Variants in RMND5B observed in about 807,000 individuals in gnomAD.
RMND5B encodes the protein E3 ubiquitin-protein transferase RMND5B.
A neutral mutation model predicts 50.4 loss-of-function variants in RMND5B; 42 were observed. The observed-to-expected ratio is 0.83, with a 90% CI of 0.65 to 1.08. The LOEUF is 1.08. RMND5B is among the 50% of genes least tolerant of loss of function. The probability of loss-of-function intolerance (pLI) is 0.00; values close to 1 mark genes in which losing one functional copy is unlikely to be tolerated. For synonymous variants in RMND5B, 220 were observed against 210.0 expected (o/e 1.05, Z -0.41); for missense variants, 463 against 508.5 (o/e 0.91, Z 0.86).
chr5:178,150,411 C>T lies in RMND5B; in HGVS notation c.*2379C>T. On this transcript the variant is annotated 3_prime_UTR_variant, in exon 11 of 11. Coordinates refer to ENST00000313386, the MANE Select transcript of RMND5B (RefSeq NM_022762.5). Reference sequence around the variant, plus strand: ...TTTTTTTTTTTGAGACAGGGCCTCACTCTGTCATGCAGTCTGGAGTGTGGT... The same window carrying T: ...TTTTTTTTTTTGAGACAGGGCCTCATTCTGTCATGCAGTCTGGAGTGTGGT... 3.7e-6 allele frequency: 1 copy of T among 272,730 alleles called. No homozygotes were observed. The highest frequency in any genetic ancestry group is 7.3e-6 in the Non-Finnish European group (1 of 137,624). The allele number at this position is 272,730 out of a possible 1,614,324, so 16.9% of individuals were successfully genotyped here.
rs1225401436 is a variant in RMND5B, at chr5:178,145,969, C to T, written c.695-145C>T. 9 of 749,558 alleles carry T rather than the reference C, an allele frequency of 1.2e-5. No individual in the cohort carries two copies. In the East Asian group the frequency reaches 2.5e-4, roughly 20 times the overall value. The allele number at this position is 749,558 out of a possible 1,614,324, so 46.4% of individuals were successfully genotyped here. A position where few individuals can be genotyped will look rare whatever the true frequency, so the allele number is the denominator to read the frequency against. ...TTTTACAGTCAAATTTGCCTGAGGG[C>T]ATTTTCATCCCTGCTCAGTCTCCTC... On this transcript the variant is annotated intron_variant, in intron 7 of 10. Transcript: ENST00000313386.
chr5:178,145,832 C>T (rs1194876755), intron 7 of RMND5B: 3 of 365,730 alleles, frequency 8.2e-6, no homozygotes, highest in South Asian at 5.6e-5. Flanking sequence ...ATCCTTGATG[C>T]AGTGGGGGAG....
In RMND5B at chr5:178,146,296, T is replaced by C; in HGVS notation, c.860+17T>C. The C allele has an allele frequency of 6.2e-7, 1 of 1,611,692 alleles. No homozygotes were observed. Among genetic ancestry groups the C allele is most frequent in the Non-Finnish European group, 8.5e-7 (1 of 1,178,336 alleles). On this transcript the variant is annotated intron_variant, in intron 8 of 10. Coordinates refer to ENST00000313386, the MANE Select transcript of RMND5B (RefSeq NM_022762.5). ...TAGCGTCAGGTACAACCCAGCCCTG[T>C]GAGGGCAGCACAGGTGGGAGGGTAG...
rs1012691887 is a variant in RMND5B, at chr5:178,137,310, A to G, written c.-12-798A>G. Among the ~76,000 whole-genome samples the G allele has an allele frequency of 1.4e-4, 21 of 152,206 alleles. No individual in the cohort carries two copies. Among genetic ancestry groups the G allele is most frequent in the Non-Finnish European group, 2.8e-4 (19 of 68,038 alleles). On this transcript the variant is annotated intron_variant, in intron 2 of 10. Coordinates refer to ENST00000313386, the MANE Select transcript of RMND5B (RefSeq NM_022762.5). This position sits in a 1 kb window ranked among gnomAD's most constrained non-coding sequence, Gnocchi z 4.4. ...CTGTGTTTCCAAATATCAGCCACTC[A>G]AGGACGGCCTTTATGGTTTATGTTA...
Position 178,138,519 on chromosome 5 carries a change from TTGTGTGTG to T in RMND5B, c.139+283_139+290del, listed in dbSNP as rs10657977. The T allele has an allele frequency of 1.9e-4, 57 of 301,474 alleles. No homozygotes were observed. Among genetic ancestry groups the T allele is most frequent in the African/African-American group, 3.3e-4 (14 of 43,030 alleles). The allele number at this position is 301,474 out of a possible 1,614,324, so 18.7% of individuals were successfully genotyped here. On this transcript the variant is annotated intron_variant, in intron 3 of 10. Coordinates refer to ENST00000313386, the MANE Select transcript of RMND5B (RefSeq NM_022762.5). The surrounding 1 kb of genome is among the most constrained non-coding windows in gnomAD (Gnocchi z 5.1). ...TTTTTAACTTTTTTTCATTTTATAA[TTGTGTGTG>T]TGTGTGTGTGTGTGTGTGTGTAGAA...
chr5:178,145,999 G>A (rs571432112), intron 7 of RMND5B, 115 bp from the exon 8 acceptor site: 1,783 of 1,087,894 alleles, frequency 1.6e-3, no homozygotes, highest in Non-Finnish European at 2.0e-3. Flanking sequence ...CTCCTCAGGG[G>A]CTTGGGAGCC....
intron 7 of RMND5B, among the ~76,000 whole-genome samples, chr5:178,144,822 C>G (rs982050097): frequency 2.0e-5 from 3 of 152,036 alleles, no homozygotes. Flanking sequence ...TGGAGACCAG[C>G]CTTGGCAACA....
Position 178,143,540 on chromosome 5 carries a change from G to C in RMND5B, c.427-87G>C, listed in dbSNP as rs574823455. The C allele has an allele frequency of 4.8e-6, 5 of 1,049,244 alleles. No individual in the cohort carries two copies. In the African/African-American group the frequency reaches 6.2e-5, roughly 13 times the overall value. The allele number at this position is 1,049,244 out of a possible 1,614,324, so 65.0% of individuals were successfully genotyped here. A position where few individuals can be genotyped will look rare whatever the true frequency, so the allele number is the denominator to read the frequency against. ...AAGCCCAGCTCTCTGGCCTGTCTTT[G>C]GCGGGTGAGCTTTTATTATGTGCAT... On this transcript the variant is annotated intron_variant, in intron 5 of 10. Coordinates refer to ENST00000313386, the MANE Select transcript of RMND5B (RefSeq NM_022762.5).
chr5:178,147,365 G>A (rs1756067966), intron 8 of RMND5B, 168 bp from the exon 9 acceptor site: 2 of 614,040 alleles, frequency 3.3e-6, no homozygotes, highest in African/African-American at 1.8e-5. Context: ...ACATACATAA[G>A]TACATATGTG....
Position 178,142,863 on chromosome 5 carries a change from T to A in RMND5B, c.297T>A (p.Ser99=), listed in dbSNP as rs778065283. Residue 99 remains serine (S), a synonymous_variant, in exon 5 of 11, where the codon TCT becomes TCA. Coordinates refer to ENST00000313386, the MANE Select transcript of RMND5B (RefSeq NM_022762.5). ...TCCTCCTTCGTCAGAACTTCGACTC[T>A]GAGATCTGTGGTGTTGTGTCAGATG... The part of the protein sequence containing the change: ...VGKAIDRNFD[S]EICGVVSDAV... 1 of 1,614,196 alleles carries A rather than the reference T, an allele frequency of 6.2e-7. No homozygotes were observed. Among genetic ancestry groups the A allele is most frequent in the Admixed American group, 1.7e-5 (1 of 60,014 alleles).
chr5:178,143,648 T>A lies in RMND5B; in HGVS notation c.448T>A (p.Leu150Met), dbSNP rs531198743. 6.2e-6 allele frequency: 10 copies of A among 1,613,974 alleles called. No individual in the cohort carries two copies. In the South Asian group the frequency reaches 1.1e-4, roughly 18 times the overall value. The change falls in exon 6 of 11, where the codon TTG (leucine) becomes ATG (methionine). Residue 150 changes from leucine to methionine, a missense_variant. Leu to Met is a conservative substitution (Grantham distance 15). Transcript: ENST00000313386. ...LCQESTLNVDLDFKQPFLELN... is the reference protein window; with the variant it reads ...LCQESTLNVDMDFKQPFLELN... Reference sequence around the variant, plus strand: ...GTAGGAATCAACGCTGAATGTGGACTTGGATTTCAAGCAGCCTTTCCTAGA... The same window carrying A: ...GTAGGAATCAACGCTGAATGTGGACATGGATTTCAAGCAGCCTTTCCTAGA...
chr5:178,146,340 C>T, intron 8 of RMND5B, 61 bp downstream of exon 8: 1 of 1,515,310 alleles, frequency 6.6e-7, no homozygotes, highest in Non-Finnish European at 9.0e-7. Flanking sequence ...TCATCATTTG[C>T]CAAGGCCCTG....
intron 8 of RMND5B, 92 bp from the exon 9 acceptor site, chr5:178,147,441 G>A: frequency 1.1e-6 from 1 of 929,970 alleles, no homozygotes; most frequent in Non-Finnish European, 1.7e-6. Flanking sequence ...TTAGAGCCCT[G>A]TCTCAAGGTC....
intron 2 of RMND5B, among the ~76,000 whole-genome samples, chr5:178,134,768 A>G (rs1024672262): frequency 2.0e-5 from 3 of 151,842 alleles, no homozygotes; most frequent in African/African-American, 7.3e-5. Context: ...GGAGTTCGAG[A>G]CCAGCCTGGC....
rs759300628 is a variant in RMND5B at position 178,142,552 on chromosome 5, CCT to C, written c.140-28_140-27del. The C allele has an allele frequency of 1.8e-5, 28 of 1,586,430 alleles. No individual in the cohort carries two copies. In the African/African-American group the frequency reaches 3.5e-4, roughly 20 times the overall value. On this transcript the variant is annotated intron_variant, in intron 3 of 10. Transcript: ENST00000313386. ...CCAAGGCAGGTGCCCCAGTCTGCCT[CCT>C]CTGTGTCCTTATTCCACTTTCTCTG...
chr5:178,145,560 G>A (rs7732415), intron 7 of RMND5B, among the ~76,000 whole-genome samples: 106,327 of 151,144 alleles, frequency 0.7, 37,823 homozygotes, highest in Admixed American at 0.77. Flanking sequence ...CCACAACCAC[G>A]TCTGGCTAAC....
rs746656851 is a variant in RMND5B at position 178,138,320 on chromosome 5, G to A, written c.139+62G>A. On this transcript the variant is annotated intron_variant, in intron 3 of 10. Transcript: ENST00000313386. This position sits in a 1 kb window ranked among gnomAD's most constrained non-coding sequence, Gnocchi z 5.1. The stretch of plus-strand genomic sequence containing the variant: ...TCCCTGAGGACATGGGAGACCCGAA[G>A]CTACTGAGTGACAGGGTTCCGGAAG... The A allele has an allele frequency of 7.6e-6, 12 of 1,582,558 alleles. No individual in the cohort carries two copies. The South Asian group carries it at 1.4e-4, about 18-fold the overall frequency.
At chr5:178,144,138 GC>G in intron 7 of RMND5B, 30 bp downstream of exon 7, 1 of 1,604,400 alleles carries the variant, frequency 6.2e-7, no homozygotes. Flanking sequence ...GGGTTGTGCT[GC>G]CTGGCCTGAC....
intron 7 of RMND5B, 48 bp downstream of exon 7, chr5:178,144,156 C>T (rs1005040941): frequency 5.0e-6 from 8 of 1,588,544 alleles, no homozygotes; most frequent in African/African-American, 2.7e-5. Flanking sequence ...TGACACATGT[C>T]TGGATGTGGT....
Sources: allele counts gnomAD v4.1 joint callset (sites outside exome capture counted in the v4.1 genomes callset), GRCh38; gene constraint gnomAD v4.1.1; non-coding constraint Gnocchi (gnomAD v3.1); transcripts MANE v1.5; gene names NCBI Gene and HGNC (gene_info 2026-07-23, HGNC 2026-07-21).